The following EPHB2 variants were observed in gnomAD, a reference collection of about 807,000 sequenced individuals.
EPHB2 encodes ephrin type-B receptor 2.
Under a neutral mutation model 96.4 loss-of-function variants are expected in EPHB2, and 18 were observed. That is an observed-to-expected ratio of 0.19 (90% CI 0.13 to 0.28). The LOEUF is 0.28. Among genes scored for constraint, EPHB2 ranks in the 10% least tolerant of loss-of-function variants. EPHB2 has a pLI of 1.00. For missense variants in EPHB2, 989 were observed against 1,355.4 expected, an observed-to-expected ratio of 0.73 and a Z score of 4.25; for synonymous variants, 506 against 534.1, an observed-to-expected ratio of 0.95 and a Z score of 0.72.
chr1:22,886,620 CTTTTTTTTTTTT>C (rs869229952), intron 6 of EPHB2, among the ~76,000 whole-genome samples: 4 of 96,170 alleles, frequency 4.2e-5, no homozygotes, highest in Non-Finnish European at 8.3e-5. Context: ...CCAGCAGAGT[CTTTTTTTTTTTT>C]TTTTTTTTTT....
chr1:22,711,799 T>C (rs1643156223), intron 1 of EPHB2, among the ~76,000 whole-genome samples: 1 of 151,944 alleles, frequency 6.6e-6, no homozygotes, highest in African/African-American at 2.4e-5. Flanking sequence ...GACCAGATGC[T>C]CTTGCCATGT....
At chr1:22,835,757 G>C (rs776889135) in intron 3 of EPHB2, 1 of 152,244 alleles carries the variant, frequency 6.6e-6, no homozygotes, top group African/African-American at 2.4e-5. Flanking sequence ...ACACAGGCAC[G>C]CACAATGCAG....
intron 7 of EPHB2, 134 bp from the exon 8 acceptor site, chr1:22,895,338 A>G: frequency 1.3e-6 from 1 of 787,256 alleles, no homozygotes. Flanking sequence ...TGGGCATGTA[A>G]CAGGTGCTCT....
At chr1:22,803,730 T>C (rs1570307886) in intron 3 of EPHB2, among the ~76,000 whole-genome samples, 3 of 147,672 alleles carry the variant, frequency 2.0e-5, no homozygotes, top group African/African-American at 7.5e-5. Flanking sequence ...TATATGTATA[T>C]GTGTGTGTGT....
intron 3 of EPHB2, among the ~76,000 whole-genome samples, chr1:22,794,705 C>T (rs1242477358): frequency 2.0e-5 from 3 of 152,220 alleles, no homozygotes; most frequent in Non-Finnish European, 4.4e-5. Context: ...CCAAGATGAC[C>T]CAGCTAGGAA....
rs138583347 is a variant in EPHB2 at position 22,830,829 on chromosome 1, A to G, written c.812-32208A>G. ...CTTGGCCTCCCAAAGTCCTAGAATT[A>G]CAGGCATGAGCCACCGCACCCTGCC... On this transcript the variant is annotated intron_variant, in intron 3 of 15. Coordinates refer to ENST00000374630, the MANE Select transcript of EPHB2 (RefSeq NM_017449.5). Among the ~76,000 whole-genome samples, 25 of 152,332 alleles carry G rather than the reference A, an allele frequency of 1.6e-4. No homozygotes were observed. In the East Asian group the frequency reaches 4.6e-3, roughly 28 times the overall value.
At chr1:22,773,794 T>G (rs1374820198) in intron 1 of EPHB2, among the ~76,000 whole-genome samples, 2 of 152,196 alleles carry the variant, frequency 1.3e-5, no homozygotes, top group African/African-American at 4.8e-5. Flanking sequence ...TGAAGCATTT[T>G]GCTCCCACTA....
At chr1:22,795,369 C>T (rs1168915409) in intron 3 of EPHB2, among the ~76,000 whole-genome samples, 2 of 152,214 alleles carry the variant, frequency 1.3e-5, no homozygotes, top group Non-Finnish European at 2.9e-5. Flanking sequence ...CTCGCCCAGG[C>T]TCACTCACCT....
At chr1:22,722,329 A>T (rs2148340722) in intron 1 of EPHB2, among the ~76,000 whole-genome samples, 1 of 152,318 alleles carries the variant, frequency 6.6e-6, no homozygotes, top group East Asian at 1.9e-4. Context: ...TACTCATTTT[A>T]TTCTAAAATA....
rs1489503087 is a variant in EPHB2, at chr1:22,915,737, A to G, written c.*2167A>G. ...AACTCTGGTTTTCTCTGTGCAAATG[A>G]GCTCTTGCTCACATTAAAATCAGAA... On this transcript the variant is annotated 3_prime_UTR_variant, in exon 16 of 16. Transcript: ENST00000374630. 6.6e-6 allele frequency: 1 copy of G among 152,264 alleles called. No homozygotes were observed. The highest frequency in any genetic ancestry group is 2.4e-5 in the African/African-American group (1 of 41,452). 9.4% of individuals were successfully genotyped at this position (152,264 alleles called of 1,614,324 possible). A position where few individuals can be genotyped will look rare whatever the true frequency, so the allele number is the denominator to read the frequency against.
At chr1:22,727,979 C>CTA (rs1184922835) in intron 1 of EPHB2, among the ~76,000 whole-genome samples, 1 of 151,582 alleles carries the variant, frequency 6.6e-6, no homozygotes, top group East Asian at 1.9e-4. Context: ...TGCCTCTAGC[C>CTA]CTCTTGAGAG....
In EPHB2 at chr1:22,865,122, A is replaced by T. The variant is rs2148527739; in HGVS notation, c.1213A>T (p.Thr405Ser). ...ISDLLAHTQY[T>S]FEIQAVNGVT... ...TGACCTGCTGGCCCACACCCAGTACACCTTCGAGATCCAGGCTGTGAACGG... is the reference window on the plus strand; with the variant it reads ...TGACCTGCTGGCCCACACCCAGTACTCCTTCGAGATCCAGGCTGTGAACGG... Residue 405 changes from threonine to serine, a missense_variant, in exon 5 of 16, where the codon ACC (threonine) becomes TCC (serine). Coordinates refer to ENST00000374630, the MANE Select transcript of EPHB2 (RefSeq NM_017449.5). The T allele has an allele frequency of 6.2e-7, 1 of 1,614,068 alleles. No individual in the cohort carries two copies. Among genetic ancestry groups the T allele is most frequent in the South Asian group, 1.1e-5 (1 of 91,068 alleles).
intron 1 of EPHB2, among the ~76,000 whole-genome samples, chr1:22,747,464 C>G (rs1471297185): frequency 6.6e-6 from 1 of 152,232 alleles, no homozygotes; most frequent in Non-Finnish European, 1.5e-5. Flanking sequence ...TCTTTGTCAT[C>G]CTGGTAGAGC....
chr1:22,879,790 C>CTA (rs1638972398), intron 5 of EPHB2, among the ~76,000 whole-genome samples: 1 of 152,258 alleles, frequency 6.6e-6, no homozygotes, highest in South Asian at 2.1e-4. Flanking sequence ...ATGCCAGGTG[C>CTA]TACACTGAGC....
chr1:22,808,615 G>A (rs189018029), intron 3 of EPHB2, among the ~76,000 whole-genome samples: 4 of 152,262 alleles, frequency 2.6e-5, no homozygotes, highest in African/African-American at 7.2e-5. Flanking sequence ...CTTCTGAATG[G>A]GGAGGAAGAG....
At chr1:22,859,985 T>A (rs1389157263) in intron 3 of EPHB2, among the ~76,000 whole-genome samples, 1 of 152,210 alleles carries the variant, frequency 6.6e-6, no homozygotes, top group Non-Finnish European at 1.5e-5. Flanking sequence ...TCTCTTTCGA[T>A]GTGCCTGTGC....
intron 3 of EPHB2, among the ~76,000 whole-genome samples, chr1:22,840,867 C>T (rs1645457335): frequency 6.6e-6 from 1 of 152,186 alleles, no homozygotes; most frequent in South Asian, 2.1e-4. Flanking sequence ...CCCACAACAA[C>T]CCCCTGTGTT....
intron 3 of EPHB2, among the ~76,000 whole-genome samples, chr1:22,818,378 T>C (rs1275995737): frequency 6.6e-6 from 1 of 152,110 alleles, no homozygotes; most frequent in African/African-American, 2.4e-5. Context: ...ACCACCGCCC[T>C]GGCTCTGCAG....
At chr1:22,748,842 A>C (rs1644016350) in intron 1 of EPHB2, among the ~76,000 whole-genome samples, 1 of 147,516 alleles carries the variant, frequency 6.8e-6, no homozygotes, top group Non-Finnish European at 1.5e-5. Flanking sequence ...TTGGTGCAAA[A>C]GTAATTGTGG....
Sources: gnomAD v4.1 joint callset for allele counts (sites outside exome capture counted in the v4.1 genomes callset) on GRCh38, gnomAD v4.1.1 for gene constraint, MANE v1.5 for transcripts, NCBI Gene and HGNC (gene_info 2026-07-23, HGNC 2026-07-21) for gene names.